Variants in ELOA2 observed in about 807,000 individuals in gnomAD.
ELOA2 encodes elongin-A2.
For missense variants in ELOA2, 1,271 were observed against 979.7 expected, an observed-to-expected ratio of 1.30 and a Z score of -3.97; for synonymous variants, 497 against 398.8, an observed-to-expected ratio of 1.25 and a Z score of -2.94.
In ELOA2 at chr18:47,034,303, T is replaced by C; in HGVS notation, c.962A>G (p.Asp321Gly). The change falls in exon 1 of 1, where the codon GAC becomes GGC. Residue 321 changes from aspartate to glycine, a missense_variant. Coordinates refer to ENST00000332567, the MANE Select transcript of ELOA2 (RefSeq NM_016427.3). ...SHSNKKRPSLDGRDPGNGTHG... is the reference protein window; with the variant it reads ...SHSNKKRPSLGGRDPGNGTHG... ...TGTCCCATTTCCTGGGTCCCGGCCGTCTAGACTGGGCCTCTTCTTGTTCGA... is the reference window on the plus strand; with the variant it reads ...TGTCCCATTTCCTGGGTCCCGGCCGCCTAGACTGGGCCTCTTCTTGTTCGA... 3 of 1,613,426 alleles carry C rather than the reference T, an allele frequency of 1.9e-6. No homozygotes were observed. The highest frequency in any genetic ancestry group is 1.1e-5 in the South Asian group (1 of 91,082).
rs1453431191 is a variant in ELOA2 at position 47,033,554 on chromosome 18, T to C, written c.1711A>G (p.Lys571Glu). The C allele has an allele frequency of 1.2e-6, 2 of 1,614,008 alleles. No homozygotes were observed. Among genetic ancestry groups the C allele is most frequent in the Non-Finnish European group, 1.7e-6 (2 of 1,180,038 alleles). Residue 571 changes from lysine (K) to glutamate (E), a missense_variant, in exon 1 of 1, where the codon AAG (lysine) becomes GAG (glutamate). Coordinates refer to ENST00000332567, the MANE Select transcript of ELOA2 (RefSeq NM_016427.3). ...GWRPDQLYRR[K>E]KDNHALVRET... ...CTAACGAGTGCGTGATTGTCTTTCT[T>C]TCTGCGATACAGCTGATCGGGCCTC...
chr18:47,032,684 A>T lies in ELOA2; in HGVS notation c.*319T>A. Reference sequence around the variant, plus strand: ...TTTCGAAAAAAAAAAGAAAGGAAAAAGGAAATCTCACATCTTTTTCCTTAT... The same window carrying T: ...TTTCGAAAAAAAAAAGAAAGGAAAATGGAAATCTCACATCTTTTTCCTTAT... On this transcript the variant is annotated 3_prime_UTR_variant, in exon 1 of 1. Transcript: ENST00000332567. 1 of 420,166 alleles carries T rather than the reference A, an allele frequency of 2.4e-6. No individual in the cohort carries two copies. Among genetic ancestry groups the T allele is most frequent in the East Asian group, 4.6e-5 (1 of 21,592 alleles). 26.0% of individuals were successfully genotyped at this position (420,166 alleles called of 1,614,324 possible). A position where few individuals can be genotyped will look rare whatever the true frequency, so the allele number is the denominator to read the frequency against.
chr18:47,033,937 G>A lies in ELOA2; in HGVS notation c.1328C>T (p.Ala443Val), dbSNP rs998377733. 25 of 1,612,810 alleles carry A rather than the reference G, an allele frequency of 1.6e-5. No individual in the cohort carries two copies. Among genetic ancestry groups the A allele is most frequent in the Non-Finnish European group, 2.1e-5 (25 of 1,180,048 alleles). ...CGGCCCGGCGGAATCAGCGCCGGCC[G>A]CCTGCAGCCTCTCTGACTGGCTTTC... ...VQESQSERLQ[A>V]AGADSAGPKT... The change falls in exon 1 of 1, where the codon GCG becomes GTG. Residue 443 changes from alanine to valine, a missense_variant. Transcript: ENST00000332567.
Position 47,034,125 on chromosome 18 carries a change from A to C in ELOA2, c.1140T>G (p.Thr380=). 6.2e-7 allele frequency: 1 copy of C among 1,614,160 alleles called. No homozygotes were observed. Among genetic ancestry groups the C allele is most frequent in the Non-Finnish European group, 8.5e-7 (1 of 1,180,034 alleles). ...AGGTGAGGTATTTTTCACATGACAG[A>C]GTGGGCTGCTCGAATTCCTCAGCCA... ...VDMAEEFEQP[T]LSCEKYLTYD... The change falls in exon 1 of 1, where the codon ACT becomes ACG. Residue 380 remains threonine (T), a synonymous_variant. Coordinates refer to ENST00000332567, the MANE Select transcript of ELOA2 (RefSeq NM_016427.3).
In ELOA2 at chr18:47,034,996, G is replaced by C. The variant is rs779191394; in HGVS notation, c.269C>G (p.Pro90Arg). The C allele has an allele frequency of 1.9e-6, 3 of 1,611,558 alleles. 1 individual carries two copies. Among genetic ancestry groups the C allele is most frequent in the Non-Finnish European group, 2.5e-6 (3 of 1,179,500 alleles). Residue 90 changes from proline (P) to arginine (R), a missense_variant, in exon 1 of 1, where the codon CCT becomes CGT. Pro to Arg is a moderately radical substitution (Grantham distance 103). Transcript: ENST00000332567. ...GCGCTGTCGGGAAGCGCTCTCCTCA[G>C]GGTCCTGTGGGCCAGGCCGGGTGTT... is the stretch of plus-strand genomic sequence containing the variant. ...DRNTRPGPQD[P>R]EESASRQRFG...
At position 47,033,622 on chromosome 18, in the gene ELOA2, C is replaced by T. The variant is rs755588711; in HGVS notation, c.1643G>A (p.Gly548Glu). 6.8e-6 allele frequency: 11 copies of T among 1,614,056 alleles called. No homozygotes were observed. Among genetic ancestry groups the T allele is most frequent in the South Asian group, 2.2e-5 (2 of 91,042 alleles). The part of the protein sequence containing the change: ...RNNPDALSDV[G>E]EVPYWVLEPV... ...TTCAAGAACCCAGTAGGGGACCTCT[C>T]CCACGTCGCTGAGGGCGTCCGGATT... Residue 548 changes from glycine to glutamate, a missense_variant, in exon 1 of 1, where the codon GGA becomes GAA. By Grantham distance (98) the Gly-to-Glu change is moderately conservative. Transcript: ENST00000332567.
rs2060728526 is a variant in ELOA2, at chr18:47,035,461, A to G, written c.-197T>C. The G allele has an allele frequency of 2.5e-6, 3 of 1,203,198 alleles. No individual in the cohort carries two copies. The allele number at this position is 1,203,198 out of a possible 1,614,324, so 74.5% of individuals were successfully genotyped here. On this transcript the variant is annotated 5_prime_UTR_variant, in exon 1 of 1. Transcript: ENST00000332567. ...TGGTCTGGAACGGCCGTCCTTGCAG[A>G]CAGCTGAGCAGGCCCGCTTTTGTTC...
chr18:47,033,457 G>A lies in ELOA2; in HGVS notation c.1808C>T (p.Thr603Ile), dbSNP rs373144772. 1.9e-5 allele frequency: 31 copies of A among 1,613,860 alleles called. No individual in the cohort carries two copies. The African/African-American group carries it at 3.7e-4, about 19-fold the overall frequency. The change falls in exon 1 of 1, where the codon ACT (threonine) becomes ATT (isoleucine). Residue 603 changes from threonine to isoleucine, a missense_variant. Transcript: ENST00000332567. ...AAGCCGCAGGTACTGCTCCCTCCAA[G>A]TTTTGTTTTCCTGTGGCTTTTCTTC... ...FKEEKPQENK[T>I]WREQYLRLPD... is the part of the protein sequence containing the mutation.
Position 47,034,366 on chromosome 18 carries a change from G to A in ELOA2, c.899C>T (p.Ala300Val). 1 of 1,614,012 alleles carries A rather than the reference G, an allele frequency of 6.2e-7. No homozygotes were observed. The highest frequency in any genetic ancestry group is 2.2e-5 in the East Asian group (1 of 44,878). Residue 300 changes from alanine (A) to valine (V), a missense_variant, in exon 1 of 1, where the codon GCT becomes GTT. Ala to Val is a moderately conservative substitution (Grantham distance 64). Transcript: ENST00000332567. Reference sequence around the variant, plus strand: ...AGGCCTCTTCTGGTGACTGTCTGGAGCCTCCTCCAAGGCAGGGACACGCTG... The same window carrying A: ...AGGCCTCTTCTGGTGACTGTCTGGAACCTCCTCCAAGGCAGGGACACGCTG... ...SGQRVPALEE[A>V]PDSHQKRPQH... is the part of the protein sequence containing the mutation.
Position 47,032,711 on chromosome 18 carries a change from T to C in ELOA2, c.*292A>G, listed in dbSNP as rs909471268. On this transcript the variant is annotated 3_prime_UTR_variant, in exon 1 of 1. Coordinates refer to ENST00000332567, the MANE Select transcript of ELOA2 (RefSeq NM_016427.3). The stretch of plus-strand genomic sequence containing the variant: ...GAAATCTCACATCTTTTTCCTTATT[T>C]ATGATTACAACTAGGGTGTTTTTAA... The C allele has an allele frequency of 2.0e-6, 1 of 494,340 alleles. No individual in the cohort carries two copies. Among genetic ancestry groups the C allele is most frequent in the Non-Finnish European group, 3.5e-6 (1 of 284,948 alleles). 30.6% of individuals were successfully genotyped at this position (494,340 alleles called of 1,614,324 possible).
chr18:47,034,262 C>A, the ELOA2 span: 4 of 1,613,864 alleles, frequency 2.5e-6, no homozygotes, highest in Admixed American at 3.3e-5. Flanking sequence ...TCTTTCTCCT[C>A]GGGCGACAGG....
At position 47,033,198 on chromosome 18, in the gene ELOA2, G is replaced by T. The variant is rs776706205; in HGVS notation, c.2067C>A (p.Ser689Arg). Reference protein sequence around the residue: ...AGSSHTPSSQSSSGGGRDSSS... With the variant: ...AGSSHTPSSQRSSGGGRDSSS... ...TGCTGTCTCTGCCACCGCCGCTGCTGCTCTGGCTGGAGGGAGTGTGGCTGC... is the reference window on the plus strand; with the variant it reads ...TGCTGTCTCTGCCACCGCCGCTGCTTCTCTGGCTGGAGGGAGTGTGGCTGC... The change falls in exon 1 of 1, where the codon AGC (serine) becomes AGA (arginine). Residue 689 changes from serine to arginine, a missense_variant. Physicochemically the swap from Ser to Arg is moderately radical, Grantham distance 110. Coordinates refer to ENST00000332567, the MANE Select transcript of ELOA2 (RefSeq NM_016427.3). The T allele has an allele frequency of 6.2e-7, 1 of 1,614,104 alleles. No individual in the cohort carries two copies. The highest frequency in any genetic ancestry group is 8.5e-7 in the Non-Finnish European group (1 of 1,180,032).
Position 47,032,886 on chromosome 18 carries a change from C to A in ELOA2, c.*117G>T. ...ATGACACCTGCAGAATTCAAAGGCT[C>A]AACTTTGCACCAAGTTAAAGGTTCT... is the stretch of plus-strand genomic sequence containing the variant. On this transcript the variant is annotated 3_prime_UTR_variant, in exon 1 of 1. Coordinates refer to ENST00000332567, the MANE Select transcript of ELOA2 (RefSeq NM_016427.3). 1 of 1,579,816 alleles carries A rather than the reference C, an allele frequency of 6.3e-7. No homozygotes were observed. The highest frequency in any genetic ancestry group is 8.6e-7 in the Non-Finnish European group (1 of 1,161,766).
rs781177340 is a variant in ELOA2, at chr18:47,034,905, C to T, written c.360G>A (p.Arg120=). ...WGFPENATAP[R]SPSHSPEHRR... ...TGTGCTCAGGGCTGTGAGATGGGCT[C>T]CTGGGGGCCGTCGCGTTTTCTGGGA... The change falls in exon 1 of 1, where the codon AGG becomes AGA. Residue 120 remains arginine, a synonymous_variant. Coordinates refer to ENST00000332567, the MANE Select transcript of ELOA2 (RefSeq NM_016427.3). The T allele has an allele frequency of 3.7e-6, 6 of 1,611,996 alleles. No homozygotes were observed. In the Admixed American group the frequency reaches 6.7e-5, roughly 18 times the overall value.
In ELOA2 at chr18:47,033,676, C is replaced by T. The variant is rs151198704; in HGVS notation, c.1589G>A (p.Arg530His). Residue 530 changes from arginine to histidine, a missense_variant, in exon 1 of 1, where the codon CGC (arginine) becomes CAC (histidine). By Grantham distance (29) the Arg-to-His change is conservative. Transcript: ENST00000332567. ...TCTAAGCACCTGGGCACACTGCTGG[C>T]GCAGCGTCGGCACCTGGAGCTGGCA... ...PACQLQVPTL[R>H]QQCAQVLRNN... 60 of 1,614,072 alleles carry T rather than the reference C, an allele frequency of 3.7e-5. 1 individual carries two copies. The highest frequency in any genetic ancestry group is 3.3e-4 in the Middle Eastern group (2 of 6,084).
At position 47,034,460 on chromosome 18, in the gene ELOA2, C is replaced by T; in HGVS notation, c.805G>A (p.Ala269Thr). 1 of 1,614,170 alleles carries T rather than the reference C, an allele frequency of 6.2e-7. No homozygotes were observed. The highest frequency in any genetic ancestry group is 8.5e-7 in the Non-Finnish European group (1 of 1,180,046). The change falls in exon 1 of 1, where the codon GCA (alanine) becomes ACA (threonine). Residue 269 changes from alanine to threonine, a missense_variant. Ala to Thr is a moderately conservative substitution (Grantham distance 58). Transcript: ENST00000332567. Reference sequence around the variant, plus strand: ...GAAGGCTGCCTGTCCCTGGCACTTGCCCAGGAGGGCATCCTTGGGGTTTCC... The same window carrying T: ...GAAGGCTGCCTGTCCCTGGCACTTGTCCAGGAGGGCATCCTTGGGGTTTCC... The part of the protein sequence containing the change: ...REETPRMPSW[A>T]SARDRQPSDF...
Position 47,035,369 on chromosome 18 carries a change from A to C in ELOA2, c.-105T>G. On this transcript the variant is annotated 5_prime_UTR_variant, in exon 1 of 1. Transcript: ENST00000332567. Reference sequence around the variant, plus strand: ...GGCCGGTCCTCGCTGCCCGGTCGCCAGGCAGCGACCTCGGGATGTGGAGTC... The same window carrying C: ...GGCCGGTCCTCGCTGCCCGGTCGCCCGGCAGCGACCTCGGGATGTGGAGTC... 1.3e-6 allele frequency: 2 copies of C among 1,569,332 alleles called. No individual in the cohort carries two copies. Among genetic ancestry groups the C allele is most frequent in the South Asian group, 2.3e-5 (2 of 85,750 alleles).
At position 47,034,441 on chromosome 18, in the gene ELOA2, T is replaced by G. The variant is rs768498912; in HGVS notation, c.824A>C (p.Gln275Pro). 4.8e-5 allele frequency: 77 copies of G among 1,614,052 alleles called. No individual in the cohort carries two copies. Among genetic ancestry groups the G allele is most frequent in the Non-Finnish European group, 6.4e-5 (76 of 1,180,042 alleles). ...CTTGTCTGTCTTGAAGTCCGAAGGC[T>G]GCCTGTCCCTGGCACTTGCCCAGGA... ...MPSWASARDRQPSDFKTDKEG... is the reference protein window; with the variant it reads ...MPSWASARDRPPSDFKTDKEG... Residue 275 changes from glutamine (Q) to proline (P), a missense_variant, in exon 1 of 1, where the codon CAG becomes CCG. Physicochemically the swap from Gln to Pro is moderately conservative, Grantham distance 76. Transcript: ENST00000332567.
chr18:47,033,945 CCT>C, the ELOA2 span: 1 of 1,613,078 alleles, frequency 6.2e-7, no homozygotes, highest in Non-Finnish European at 8.5e-7. Context: ...CCGCCTGCAG[CCT>C]CTCTGACTGG....
Sources: gnomAD v4.1 joint callset for allele counts on GRCh38, gnomAD v4.1.1 for gene constraint, MANE v1.5 for transcripts, NCBI Gene and HGNC (gene_info 2026-07-23, HGNC 2026-07-21) for gene names.